TMEM200C: variants seen among roughly 807,000 people sequenced by gnomAD.
TMEM200C encodes transmembrane protein TTMA.
For missense variants in TMEM200C, 966 were observed against 699.9 expected (o/e 1.38, Z -4.29); for synonymous variants, 462 against 324.7 (o/e 1.42, Z -4.55).
chr18:5,894,714 C>G (rs2095174270), intron 2 of TMEM200C, among the ~76,000 whole-genome samples: 1 of 152,192 alleles, frequency 6.6e-6, no homozygotes, highest in African/African-American at 2.4e-5. Flanking sequence ...CCCGGCCCCT[C>G]ACTGGCAGGG....
exon 3 of TMEM200C, chr18:5,883,195 A>T (rs2095162978): frequency 1.3e-5 from 2 of 152,178 alleles, no homozygotes; most frequent in Non-Finnish European, 2.9e-5. Context: ...AACACATTTT[A>T]TATGTTTGCC....
exon 3 of TMEM200C, chr18:5,889,912 A>G (rs1252240543): frequency 7.0e-6 from 2 of 287,276 alleles, no homozygotes; most frequent in Non-Finnish European, 1.3e-5. Flanking sequence ...AAATTAAAAG[A>G]TTTTATCTAA....
chr18:5,891,359 A>T lies in TMEM200C; in HGVS notation c.705T>A (p.Ser235=). The T allele has an allele frequency of 1.5e-6, 2 of 1,340,126 alleles. No individual in the cohort carries two copies. The highest frequency in any genetic ancestry group is 1.9e-6 in the Non-Finnish European group (2 of 1,049,412). 83.0% of individuals were successfully genotyped at this position (1,340,126 alleles called of 1,614,324 possible). Reference sequence around the variant, plus strand: ...CCCCGGGGGGCGCCGCGGCGGGGGCAGACGACGACGAAGAGGCGGCGGCGG... The same window carrying T: ...CCCCGGGGGGCGCCGCGGCGGGGGCTGACGACGACGAAGAGGCGGCGGCGG... Residue 235 remains serine, a synonymous_variant, in exon 3 of 3, where the codon TCT becomes TCA. Transcript: ENST00000581347. The surrounding 1 kb of genome is among the most constrained non-coding windows in gnomAD (Gnocchi z 4.7).
exon 3 of TMEM200C, chr18:5,887,267 T>C (rs899948854): frequency 6.6e-6 from 1 of 152,212 alleles, no homozygotes; most frequent in African/African-American, 2.4e-5. Context: ...GGGGGGATTC[T>C]ATCATCTATA....
exon 3 of TMEM200C, chr18:5,890,486 C>A (rs1345673379): frequency 1.3e-6 from 2 of 1,551,944 alleles, no homozygotes; most frequent in Non-Finnish European, 1.7e-6. Context: ...GGTCATCCGA[C>A]TGGGAGCTCC....
At chr18:5,886,818 T>C (rs1819249087) in exon 3 of TMEM200C, 1 of 152,186 alleles carries the variant, frequency 6.6e-6, no homozygotes, top group African/African-American at 2.4e-5. Flanking sequence ...TGAGCCACTA[T>C]GCTATGTTGC....
In TMEM200C at chr18:5,891,796, G is replaced by T. The variant is rs770951234; in HGVS notation, c.268C>A (p.Pro90Thr). 1.2e-6 allele frequency: 2 copies of T among 1,606,234 alleles called. No individual in the cohort carries two copies. Among genetic ancestry groups the T allele is most frequent in the Non-Finnish European group, 8.5e-7 (1 of 1,178,102 alleles). Residue 90 changes from proline to threonine, a missense_variant, in exon 3 of 3, where the codon CCG (proline) becomes ACG (threonine). Physicochemically the swap from Pro to Thr is conservative, Grantham distance 38. Coordinates refer to ENST00000581347, the Ensembl canonical transcript of TMEM200C. This position sits in a 1 kb window ranked among gnomAD's most constrained non-coding sequence, Gnocchi z 4.7. ...ACCCGGTGGCTGCTGCCCGCAGGCG[G>T]CAGCTGCTTACCCCCCTCCCGATTG... is the stretch of plus-strand genomic sequence containing the variant.
At chr18:5,884,818 G>A (rs1238909469) in exon 3 of TMEM200C, 8 of 151,868 alleles carry the variant, frequency 5.3e-5, no homozygotes, top group Admixed American at 2.6e-4. Context: ...ATAACTTTTA[G>A]ATTTTTTTTT....
chr18:5,894,542 G>C (rs2095174106), intron 2 of TMEM200C, among the ~76,000 whole-genome samples: 1 of 152,170 alleles, frequency 6.6e-6, no homozygotes, highest in Admixed American at 6.5e-5. Context: ...AATGGAGGAT[G>C]GGGGAAGCAA....
chr18:5,892,111 C>A (rs777273317), exon 3 of TMEM200C: 2 of 1,546,614 alleles, frequency 1.3e-6, no homozygotes, highest in Admixed American at 3.6e-5. Context: ...GAGGCTTGCA[C>A]AGGGAGGGCG....
chr18:5,892,552 T>A (rs1325920858), intron 2 of TMEM200C, among the ~76,000 whole-genome samples: 1 of 152,162 alleles, frequency 6.6e-6, no homozygotes, highest in African/African-American at 2.4e-5. Context: ...GACCTCCCTG[T>A]CAAGATTCTT....
chr18:5,891,970 T>C lies in TMEM200C; in HGVS notation c.94A>G (p.Lys32Glu), dbSNP rs2095171683. The C allele has an allele frequency of 3.7e-6, 6 of 1,613,872 alleles. No individual in the cohort carries two copies. Among genetic ancestry groups the C allele is most frequent in the Non-Finnish European group, 8.5e-7 (1 of 1,179,914 alleles). The change falls in exon 3 of 3, where the codon AAG (lysine) becomes GAG (glutamate). Residue 32 changes from lysine to glutamate, a missense_variant. Lys to Glu is a moderately conservative substitution (Grantham distance 56). Coordinates refer to ENST00000581347, the Ensembl canonical transcript of TMEM200C. The surrounding 1 kb of genome is among the most constrained non-coding windows in gnomAD (Gnocchi z 4.7). Reference sequence around the variant, plus strand: ...ACCACGTCGTTCTTGCGCCTCTTCTTGGCTTTCCGCTTGCGCTTGGGTATC... The same window carrying C: ...ACCACGTCGTTCTTGCGCCTCTTCTCGGCTTTCCGCTTGCGCTTGGGTATC...
chr18:5,890,817 C>G, exon 3 of TMEM200C: 1 of 673,608 alleles, frequency 1.5e-6, no homozygotes. Flanking sequence ...GTCGAGCTCG[C>G]CCCTCGGGAT....
At chr18:5,883,165 C>G (rs2095162965) in exon 3 of TMEM200C, 1 of 152,060 alleles carries the variant, frequency 6.6e-6, no homozygotes, top group African/African-American at 2.4e-5. Context: ...TTGCAGAATT[C>G]TCACTTTCAT....
chr18:5,891,401 G>T lies in TMEM200C; in HGVS notation c.663C>A (p.Ala221=). Reference sequence around the variant, plus strand: ...CGGCGGCGGCCGCGGCGGCGGCCGCGGCGGCCGCCAGGTCTTTGGCGCGGA... The same window carrying T: ...CGGCGGCGGCCGCGGCGGCGGCCGCTGCGGCCGCCAGGTCTTTGGCGCGGA... Residue 221 remains alanine (A), a synonymous_variant, in exon 3 of 3, where the codon GCC becomes GCA. Coordinates refer to ENST00000581347, the Ensembl canonical transcript of TMEM200C. The surrounding 1 kb of genome is among the most constrained non-coding windows in gnomAD (Gnocchi z 4.7). The T allele has an allele frequency of 3.7e-6, 5 of 1,367,740 alleles. No individual in the cohort carries two copies. The highest frequency in any genetic ancestry group is 3.1e-5 in the East Asian group (1 of 32,686). The allele number at this position is 1,367,740 out of a possible 1,614,324, so 84.7% of individuals were successfully genotyped here.
At chr18:5,890,764 C>A (rs572639681) in exon 3 of TMEM200C, 6 of 606,492 alleles carry the variant, frequency 9.9e-6, no homozygotes, top group Non-Finnish European at 1.8e-5. Context: ...CGGCGCGCCC[C>A]GCGCATGCTG....
chr18:5,890,590 T>C, exon 3 of TMEM200C: 7 of 1,086,104 alleles, frequency 6.4e-6, no homozygotes, highest in South Asian at 2.8e-5. Context: ...GGGTCCGCAC[T>C]CCCCGGGGAG....
exon 3 of TMEM200C, chr18:5,889,966 A>G: frequency 2.6e-6 from 1 of 380,930 alleles, no homozygotes. Context: ...TTTTCATTGA[A>G]CATACAATCA....
In TMEM200C at chr18:5,891,411, A is replaced by G. The variant is rs2095170933; in HGVS notation, c.653T>C (p.Leu218Pro). ...CGCGGCGGCGGCCGCGGCGGCCGCC[A>G]GGTCTTTGGCGCGGAGGCTGTGCAC... The change falls in exon 3 of 3, where the codon CTG (leucine) becomes CCG (proline). Residue 218 changes from leucine to proline, a missense_variant. Leu to Pro is a moderately conservative substitution (Grantham distance 98, BLOSUM62 -3). Transcript: ENST00000581347. The surrounding 1 kb of genome is among the most constrained non-coding windows in gnomAD (Gnocchi z 4.7). 1 of 1,350,220 alleles carries G rather than the reference A, an allele frequency of 7.4e-7. No homozygotes were observed. Among genetic ancestry groups the G allele is most frequent in the South Asian group, 1.5e-5 (1 of 65,378 alleles). 83.6% of individuals were successfully genotyped at this position (1,350,220 alleles called of 1,614,324 possible).
Sources: gnomAD v4.1 joint callset for allele counts (sites outside exome capture counted in the v4.1 genomes callset) on GRCh38, gnomAD v4.1.1 for gene constraint, Gnocchi (gnomAD v3.1) non-coding constraint, MANE v1.5 for transcripts, NCBI Gene and HGNC (gene_info 2026-07-23, HGNC 2026-07-21) for gene names.